The following CDH1 variants were observed in gnomAD, a reference collection of about 807,000 sequenced individuals.
CDH1 encodes cadherin 1.
CDH1 carries 35 observed loss-of-function variants against 84.5 expected under a neutral mutation model. The observed-to-expected ratio is 0.41, with a 90% CI of 0.32 to 0.55. The LOEUF is 0.55. Ranked by LOEUF, CDH1 falls within the 20% of genes least tolerant of loss-of-function variation. The pLI, the probability that CDH1 is intolerant of heterozygous loss-of-function variation, is 0.19. For missense variants in CDH1, 994 were observed against 1,126.6 expected (o/e 0.88, Z 1.68); for synonymous variants, 417 against 439.0 (o/e 0.95, Z 0.63).
intron 2 of CDH1, among the ~76,000 whole-genome samples, chr16:68,740,890 C>T (rs1034571489): frequency 2.0e-5 from 3 of 152,018 alleles, no homozygotes; most frequent in African/African-American, 7.3e-5. Flanking sequence ...CTGAAGCATC[C>T]GCAGTTGGTC....
intron 5 of CDH1, 170 bp downstream of exon 5, chr16:68,809,018 G>A: frequency 1.5e-6 from 1 of 661,328 alleles, no homozygotes; most frequent in Non-Finnish European, 2.6e-6. Context: ...GGACAGTTTG[G>A]GGTTGTTAAT....
At chr16:68,760,313 C>T (rs1457420642) in intron 2 of CDH1, among the ~76,000 whole-genome samples, 4 of 140,216 alleles carry the variant, frequency 2.9e-5, no homozygotes, top group African/African-American at 1.1e-4. Flanking sequence ...CGGGGTTTCA[C>T]CGTGTTAGCC....
intron 2 of CDH1, among the ~76,000 whole-genome samples, chr16:68,785,195 G>A (rs945497242): frequency 7.9e-5 from 12 of 151,952 alleles, no homozygotes; most frequent in Admixed American, 2.0e-4. Context: ...ACAGAGTCTT[G>A]TTCTTTTTTT....
chr16:68,807,036 G>A (rs1960684308), intron 3 of CDH1, among the ~76,000 whole-genome samples: 1 of 152,178 alleles, frequency 6.6e-6, no homozygotes, highest in Non-Finnish European at 1.5e-5. Context: ...GAGGGTGAGA[G>A]ATGGAATTTT....
rs1064794231 is a variant in CDH1, at chr16:68,810,240, A to G, written c.731A>G (p.Asp244Gly). 16 of 1,614,034 alleles carry G rather than the reference A, an allele frequency of 9.9e-6. No individual in the cohort carries two copies. The highest frequency in any genetic ancestry group is 8.5e-6 in the Non-Finnish European group (10 of 1,180,010). ...AVSSNGNAVE[D>G]PMEILITVTD... The stretch of plus-strand genomic sequence containing the variant: ...TCATCCAACGGGAATGCAGTTGAGG[A>G]TCCAATGGAGATTTTGATCACGGTA... The change falls in exon 6 of 16, where the codon GAT becomes GGT. Residue 244 changes from aspartate to glycine, a missense_variant. Transcript: ENST00000261769.
intron 15 of CDH1, among the ~76,000 whole-genome samples, chr16:68,830,174 TA>T (rs1299766000): frequency 6.6e-6 from 1 of 151,962 alleles, no homozygotes; most frequent in East Asian, 1.9e-4. Flanking sequence ...GGCTGGTCTC[TA>T]ACTCCTGACT....
At chr16:68,808,660 T>A (rs2152129993) in intron 4 of CDH1, 33 bp from the exon 5 acceptor site, 1 of 1,613,798 alleles carries the variant, frequency 6.2e-7, no homozygotes, top group Non-Finnish European at 8.5e-7. Context: ...GGATCCTTCT[T>A]TACTAATTCT....
At position 68,819,424 on chromosome 16, in the gene CDH1, T is replaced by A; in HGVS notation, c.1710T>A (p.Asn570Lys). Residue 570 changes from asparagine (N) to lysine (K), a missense_variant and splice_region_variant, in exon 11 of 16, where the codon AAT becomes AAA. Asn to Lys is a moderately conservative substitution (Grantham distance 94). Coordinates refer to ENST00000261769, the MANE Select transcript of CDH1 (RefSeq NM_004360.5). ...CAGCCCTAATCATAGCTACAGACAA[T>A]GGTAAGGGGGCCTCATCTGAGCCTT... is the stretch of plus-strand genomic sequence containing the variant. ...TYTALIIATD[N>K]GSPVATGTGT... The A allele has an allele frequency of 6.2e-7, 1 of 1,613,160 alleles. No individual in the cohort carries two copies. Among genetic ancestry groups the A allele is most frequent in the South Asian group, 1.1e-5 (1 of 91,034 alleles).
chr16:68,784,586 A>C (rs1465830721), intron 2 of CDH1, among the ~76,000 whole-genome samples: 1 of 151,910 alleles, frequency 6.6e-6, no homozygotes, highest in Non-Finnish European at 1.5e-5. Flanking sequence ...ATTTTGGTGC[A>C]CCCATGATTG....
chr16:68,824,393 G>C (rs1961264240), intron 13 of CDH1, among the ~76,000 whole-genome samples: 1 of 152,254 alleles, frequency 6.6e-6, no homozygotes, highest in African/African-American at 2.4e-5. Context: ...GCCCTCATCA[G>C]CGTGGTCTAA....
At chr16:68,776,179 G>T (rs930667836) in intron 2 of CDH1, among the ~76,000 whole-genome samples, 1 of 152,126 alleles carries the variant, frequency 6.6e-6, no homozygotes, top group East Asian at 1.9e-4. Flanking sequence ...TAGAGATGGG[G>T]TTTTACCATC....
chr16:68,790,177 C>A (rs1960170201), intron 2 of CDH1, among the ~76,000 whole-genome samples: 1 of 152,150 alleles, frequency 6.6e-6, no homozygotes, highest in African/African-American at 2.4e-5. Flanking sequence ...GGAATGTAAG[C>A]CTTACCAATG....
intron 2 of CDH1, among the ~76,000 whole-genome samples, chr16:68,774,608 A>AC (rs1200197480): frequency 6.6e-6 from 1 of 151,772 alleles, no homozygotes; most frequent in Non-Finnish European, 1.5e-5. Flanking sequence ...ACAGAGCAAT[A>AC]CCCTGTCATA....
At chr16:68,774,743 G>C (rs141049821) in intron 2 of CDH1, among the ~76,000 whole-genome samples, 5 of 152,272 alleles carry the variant, frequency 3.3e-5, no homozygotes, top group Middle Eastern at 3.4e-3. Context: ...GGGCACTGGG[G>C]AGGACACCAG....
At chr16:68,803,875 C>A (rs1405337474) in intron 3 of CDH1, among the ~76,000 whole-genome samples, 3 of 152,026 alleles carry the variant, frequency 2.0e-5, no homozygotes, top group Non-Finnish European at 4.4e-5. Flanking sequence ...GTAAGCTGTG[C>A]CCAGTATGGA....
At chr16:68,830,860 C>T (rs1018029781) in intron 15 of CDH1, among the ~76,000 whole-genome samples, 2 of 152,082 alleles carry the variant, frequency 1.3e-5, no homozygotes, top group Non-Finnish European at 2.9e-5. Flanking sequence ...TTGTGCCTGT[C>T]TGCAAGGGAG....
chr16:68,784,812 T>C (rs1409519162), intron 2 of CDH1, among the ~76,000 whole-genome samples: 1 of 152,126 alleles, frequency 6.6e-6, no homozygotes, highest in African/African-American at 2.4e-5. Flanking sequence ...CATTCTTTTT[T>C]TTTTTTTAAC....
At chr16:68,780,973 G>A (rs779211686) in intron 2 of CDH1, among the ~76,000 whole-genome samples, 5 of 152,138 alleles carry the variant, frequency 3.3e-5, no homozygotes, top group Admixed American at 6.5e-5. Flanking sequence ...TAGAGAAGAC[G>A]CCGTAGCAAC....
chr16:68,737,807 G>A, intron 1 of CDH1, among the ~76,000 whole-genome samples: 1 of 152,094 alleles, frequency 6.6e-6, no homozygotes, highest in Admixed American at 6.5e-5. Flanking sequence ...GGTGCAAGTC[G>A]AGGGGGAGCC....
Sources: gnomAD v4.1 joint callset for allele counts (sites outside exome capture counted in the v4.1 genomes callset) on GRCh38, gnomAD v4.1.1 for gene constraint, MANE v1.5 for transcripts, NCBI Gene and HGNC (gene_info 2026-07-23, HGNC 2026-07-21) for gene names.